ZFAND3: variants seen among roughly 807,000 people sequenced by gnomAD.
ZFAND3 encodes AN1-type zinc finger protein 3.
A neutral mutation model predicts 29.6 loss-of-function variants in ZFAND3; 10 were observed. That is an observed-to-expected ratio of 0.34 (90% CI 0.21 to 0.57). The LOEUF is 0.57. ZFAND3 is among the 20% of genes least tolerant of loss of function. The probability of loss-of-function intolerance (pLI) is 0.86; values close to 1 mark genes in which losing one functional copy is unlikely to be tolerated. For synonymous variants in ZFAND3, 128 were observed against 112.6 expected (o/e 1.14, Z -0.87); for missense variants, 230 against 304.5 (o/e 0.76, Z 1.82).
At chr6:38,148,136 G>T (rs1562017963) in intron 5 of ZFAND3, among the ~76,000 whole-genome samples, 1 of 152,120 alleles carries the variant, frequency 6.6e-6, no homozygotes, top group South Asian at 2.1e-4. Context: ...ATTTTTGTGT[G>T]TGGTGAAAGA....
At chr6:38,096,482 T>C (rs1268351900) in intron 4 of ZFAND3, among the ~76,000 whole-genome samples, 1 of 152,240 alleles carries the variant, frequency 6.6e-6, no homozygotes, top group Non-Finnish European at 1.5e-5. Context: ...GGGTTGTGTT[T>C]TTATAAGCTT....
At chr6:38,026,723 G>T (rs559503798) in intron 2 of ZFAND3, among the ~76,000 whole-genome samples, 2 of 151,836 alleles carry the variant, frequency 1.3e-5, no homozygotes, top group Non-Finnish European at 2.9e-5. Flanking sequence ...GAGCTACCAC[G>T]CCCGGCCAAT....
chr6:38,102,420 C>T (rs545274391), intron 4 of ZFAND3, among the ~76,000 whole-genome samples: 1 of 152,100 alleles, frequency 6.6e-6, no homozygotes, highest in African/African-American at 2.4e-5. Flanking sequence ...ATTTCCCCAC[C>T]TCACCCCTAC....
At chr6:37,944,536 C>T (rs1761867650) in intron 2 of ZFAND3, among the ~76,000 whole-genome samples, 1 of 152,116 alleles carries the variant, frequency 6.6e-6, no homozygotes, top group South Asian at 2.1e-4. Context: ...TGTATGCTTC[C>T]CTTAGGCCAA....
Position 37,914,672 on chromosome 6 carries a change from C to CTTTTTCTTTTTTT in ZFAND3, c.72-15282_72-15281insCTTTTTTTTTTTT, listed in dbSNP as rs1554157841. 9.2e-4 allele frequency among the ~76,000 whole-genome samples: 105 copies of CTTTTTCTTTTTTT among 114,210 alleles called. 1 individual carries two copies. Among genetic ancestry groups the CTTTTTCTTTTTTT allele is most frequent in the Non-Finnish European group, 1.5e-3 (86 of 56,600 alleles). The allele number at this position is 114,210 out of a possible 152,430, so 74.9% of individuals were successfully genotyped here. ...TTTCTTTCTTTCTTTCTTTTTTTTT[C>CTTTTTCTTTTTTT]TTTTTTTTTTAGTGGAGACGGGGTT... is the stretch of plus-strand genomic sequence containing the variant. On this transcript the variant is annotated intron_variant, in intron 1 of 5. Coordinates refer to ENST00000287218, the MANE Select transcript of ZFAND3 (RefSeq NM_021943.3).
chr6:38,122,405 C>G (rs1369212810), intron 5 of ZFAND3, among the ~76,000 whole-genome samples: 2 of 152,186 alleles, frequency 1.3e-5, no homozygotes. Flanking sequence ...GGCCTAACTA[C>G]ATTTTTGATC....
At chr6:37,906,385 G>A (rs1334238864) in intron 1 of ZFAND3, among the ~76,000 whole-genome samples, 4 of 152,018 alleles carry the variant, frequency 2.6e-5, no homozygotes, top group South Asian at 2.1e-4. Flanking sequence ...TTAAATGACC[G>A]AATAACATTC....
intron 2 of ZFAND3, among the ~76,000 whole-genome samples, chr6:38,006,814 T>C (rs564541954): frequency 2.6e-5 from 4 of 152,020 alleles, no homozygotes; most frequent in Non-Finnish European, 4.4e-5. Flanking sequence ...CTGCCCCTCT[T>C]CCAGTCCAGA....
intron 1 of ZFAND3, among the ~76,000 whole-genome samples, chr6:37,883,450 G>GTTGCTGTTGCATAGAGAACATTT (rs1159476118): frequency 6.8e-6 from 1 of 147,100 alleles, no homozygotes; most frequent in African/African-American, 2.7e-5. Flanking sequence ...AAAGTACCCA[G>GTTGCTGTTGCATAGAGAACATTT]ACTACAAATG....
chr6:37,874,514 CAAAA>C (rs11447694), intron 1 of ZFAND3, among the ~76,000 whole-genome samples: 2 of 79,772 alleles, frequency 2.5e-5, no homozygotes. Flanking sequence ...AACTCCGTCT[CAAAA>C]AAAAAAAAAA....
rs186794941 is a variant in ZFAND3, at chr6:38,153,073, C to T, written c.*684C>T. ...AAAATTAGCTCCACTCAAGACTAGT[C>T]CACGAACGAGACCCGCCTTTTCTAC... On this transcript the variant is annotated 3_prime_UTR_variant, in exon 6 of 6. Transcript: ENST00000287218. The T allele has an allele frequency of 2.8e-4, 276 of 985,522 alleles. No individual in the cohort carries two copies. The Admixed American group carries it at 2.8e-3, about 10-fold the overall frequency. The allele number at this position is 985,522 out of a possible 1,614,324, so 61.0% of individuals were successfully genotyped here.
intron 2 of ZFAND3, among the ~76,000 whole-genome samples, chr6:37,934,136 C>A (rs2127414245): frequency 6.6e-6 from 1 of 151,866 alleles, no homozygotes; most frequent in African/African-American, 2.4e-5. Flanking sequence ...GATCCGCCCA[C>A]CTTGGCCTCC....
chr6:38,149,864 T>A (rs1005622181), intron 5 of ZFAND3, among the ~76,000 whole-genome samples: 1 of 152,198 alleles, frequency 6.6e-6, no homozygotes, highest in Non-Finnish European at 1.5e-5. Flanking sequence ...CCTTGGGACC[T>A]TCTGAATCAT....
chr6:38,089,738 A>G (rs904892655), intron 4 of ZFAND3, among the ~76,000 whole-genome samples: 4 of 152,250 alleles, frequency 2.6e-5, no homozygotes, highest in African/African-American at 4.8e-5. Flanking sequence ...GAAACATTTC[A>G]GCCAGTACAT....
intron 4 of ZFAND3, among the ~76,000 whole-genome samples, chr6:38,097,906 G>A (rs1356401852): frequency 1.3e-5 from 2 of 152,204 alleles, no homozygotes; most frequent in Non-Finnish European, 2.9e-5. Context: ...AGTGGAGATA[G>A]GGAAGGAGGG....
intron 2 of ZFAND3, among the ~76,000 whole-genome samples, chr6:37,934,481 T>C (rs564001733): frequency 2.0e-5 from 3 of 150,706 alleles, no homozygotes; most frequent in Non-Finnish European, 4.4e-5. Context: ...TAAAGTGGAC[T>C]TAAATTGCTC....
At chr6:38,115,590 T>TA (rs1254701145) in intron 4 of ZFAND3, among the ~76,000 whole-genome samples, 6 of 151,890 alleles carry the variant, frequency 4.0e-5, no homozygotes, top group South Asian at 2.1e-4. Flanking sequence ...GACAGAGGGG[T>TA]AAGAGGTGTG....
intron 1 of ZFAND3, among the ~76,000 whole-genome samples, chr6:37,881,056 T>C (rs1317533071): frequency 2.0e-5 from 3 of 151,938 alleles, no homozygotes; most frequent in African/African-American, 7.2e-5. Flanking sequence ...TATGATAGTC[T>C]TTATTTTTAT....
intron 2 of ZFAND3, among the ~76,000 whole-genome samples, chr6:37,946,012 T>G (rs543003017): frequency 6.6e-6 from 1 of 152,182 alleles, no homozygotes; most frequent in African/African-American, 2.4e-5. Context: ...GTGGTGTTTT[T>G]GGTGTCTTAA....
Sources: allele counts gnomAD v4.1 joint callset (sites outside exome capture counted in the v4.1 genomes callset), GRCh38; gene constraint gnomAD v4.1.1; transcripts MANE v1.5; gene names NCBI Gene and HGNC (gene_info 2026-07-23, HGNC 2026-07-21).